FAM228B: variants seen among roughly 807,000 people sequenced by gnomAD.
The protein encoded by FAM228B is family with sequence similarity 228 member B, also known as protein FAM228B.
Under a neutral mutation model 42.6 loss-of-function variants are expected in FAM228B, and 38 were observed. The observed-to-expected ratio is 0.89, with a 90% CI of 0.69 to 1.17. FAM228B has a LOEUF of 1.17. FAM228B is among the 50% of genes most tolerant of loss of function. The pLI, the probability that FAM228B is intolerant of heterozygous loss-of-function variation, is 0.00. For synonymous variants in FAM228B, 109 were observed against 122.3 expected (o/e 0.89, Z 0.72); for missense variants, 344 against 367.3 (o/e 0.94, Z 0.52).
intron 3 of FAM228B, among the ~76,000 whole-genome samples, chr2:24,103,351 G>T (rs1391115672): frequency 6.6e-6 from 1 of 152,184 alleles, no homozygotes; most frequent in Non-Finnish European, 1.5e-5. Context: ...TGGGAAAAAG[G>T]AACCCCTTAA....
rs1479864922 is a variant in FAM228B at position 24,080,453 on chromosome 2, G to A, written c.-289-423G>A. Among the ~76,000 whole-genome samples, 3 of 152,166 alleles carry A rather than the reference G, an allele frequency of 2.0e-5. No individual in the cohort carries two copies. The highest frequency in any genetic ancestry group is 4.4e-5 in the Non-Finnish European group (3 of 68,034). ...GTGCACATCTACTTACTCATTTAGG[G>A]TGCTACCACCCAACCCTACCATGGC... On this transcript the variant is annotated intron_variant, in intron 1 of 10. Coordinates refer to the FAM228B transcript ENST00000613899. The surrounding 1 kb of genome is among the most constrained non-coding windows in gnomAD (Gnocchi z 4.7).
intron 3 of FAM228B, among the ~76,000 whole-genome samples, chr2:24,136,923 C>T (rs1666605096): frequency 6.6e-6 from 1 of 152,166 alleles, no homozygotes; most frequent in Admixed American, 6.5e-5. Flanking sequence ...AGTGACTCCT[C>T]ATTTCTCCCT....
At chr2:24,152,673 A>G (rs1396027321) in intron 7 of FAM228B, among the ~76,000 whole-genome samples, 1 of 152,220 alleles carries the variant, frequency 6.6e-6, no homozygotes, top group Non-Finnish European at 1.5e-5. Flanking sequence ...TGGGGGTGTC[A>G]TGATGCAAGC....
intron 3 of FAM228B, among the ~76,000 whole-genome samples, chr2:24,137,149 A>G (rs1666610581): frequency 6.6e-6 from 1 of 152,232 alleles, no homozygotes; most frequent in South Asian, 2.1e-4. Context: ...ACACATATAA[A>G]TAAATGTGGT....
chr2:24,099,175 A>T (rs1665559586), intron 3 of FAM228B, among the ~76,000 whole-genome samples: 1 of 152,190 alleles, frequency 6.6e-6, no homozygotes, highest in Admixed American at 6.5e-5. Flanking sequence ...AGCCAATATC[A>T]TACTGAATGG....
In FAM228B at chr2:24,084,188, C is replaced by T. The variant is rs111696183; in HGVS notation, c.-210+3233C>T. ...CCCCGGCGCGGCTGAGCCCTGGGTACCTGCATTAAGTCCGCCCGGTTCAGG... is the reference window on the plus strand; with the variant it reads ...CCCCGGCGCGGCTGAGCCCTGGGTATCTGCATTAAGTCCGCCCGGTTCAGG... On this transcript the variant is annotated intron_variant, in intron 2 of 10. Coordinates refer to the FAM228B transcript ENST00000613899. This position sits in a 1 kb window ranked among gnomAD's most constrained non-coding sequence, Gnocchi z 8.4. The T allele has an allele frequency of 6.2e-7, 1 of 1,610,966 alleles. No homozygotes were observed. Among genetic ancestry groups the T allele is most frequent in the Non-Finnish European group, 8.5e-7 (1 of 1,179,036 alleles).
Position 24,084,564 on chromosome 2 carries a change from C to G in FAM228B, c.-210+3609C>G, listed in dbSNP as rs1481243030. The G allele has an allele frequency of 4.2e-6, 2 of 474,296 alleles. No individual in the cohort carries two copies. Among genetic ancestry groups the G allele is most frequent in the Non-Finnish European group, 7.3e-6 (2 of 274,128 alleles). 29.4% of individuals were successfully genotyped at this position (474,296 alleles called of 1,614,324 possible). ...GGGAAGTCCTCGGCCGCCTCCAGAC[C>G]GATCCCACCCGGAACACAGATGGGA... On this transcript the variant is annotated intron_variant, in intron 2 of 10. Transcript: ENST00000613899. The surrounding 1 kb of genome is among the most constrained non-coding windows in gnomAD (Gnocchi z 8.4).
chr2:24,079,216 A>G, intron 1 of FAM228B: 1 of 533,008 alleles, frequency 1.9e-6, no homozygotes, highest in Non-Finnish European at 3.4e-6. Context: ...GAATGTTCAG[A>G]TAACCTGTGA....
upstream of FAM228B, chr2:24,119,772 G>T: frequency 1.1e-6 from 1 of 879,188 alleles, no homozygotes; most frequent in East Asian, 2.5e-5. Context: ...ACCATTTCCT[G>T]ATTTCCATAT....
intron 5 of FAM228B, among the ~76,000 whole-genome samples, chr2:24,144,197 T>A (rs772969099): frequency 6.6e-6 from 1 of 152,178 alleles, no homozygotes; most frequent in Non-Finnish European, 1.5e-5. Flanking sequence ...ATCCCACCAC[T>A]TTAGAGGCTG....
intron 5 of FAM228B, among the ~76,000 whole-genome samples, chr2:24,143,037 T>C (rs1264035886): frequency 6.6e-6 from 1 of 152,216 alleles, no homozygotes; most frequent in African/African-American, 2.4e-5. Context: ...TTCATAGATA[T>C]GGTTTCAGAT....
chr2:24,112,807 C>T (rs1665819505), intron 3 of FAM228B, among the ~76,000 whole-genome samples: 2 of 152,174 alleles, frequency 1.3e-5, no homozygotes. Context: ...TCATTGATCA[C>T]TGTCTCCCAC....
chr2:24,155,532 T>TATATATATATATATATATATATATA (rs1491091074), intron 7 of FAM228B, among the ~76,000 whole-genome samples: 1 of 11,552 alleles, frequency 8.7e-5, no homozygotes, highest in Non-Finnish European at 1.8e-4. Context: ...TATATATATA[T>TATATATATATATATATATATATATA]TTTTTTTTTT....
intron 3 of FAM228B, among the ~76,000 whole-genome samples, chr2:24,101,608 A>T (rs1558370830): frequency 6.6e-6 from 1 of 152,180 alleles, no homozygotes. Context: ...ATATATGTGG[A>T]TGAATATTAC....
upstream of FAM228B, among the ~76,000 whole-genome samples, chr2:24,119,265 G>T (rs1038312571): frequency 2.6e-5 from 4 of 152,022 alleles, no homozygotes; most frequent in African/African-American, 4.8e-5. Flanking sequence ...GGTCCTAAGA[G>T]AAATTAAGGG....
At chr2:24,139,781 C>G (rs1434450264) in intron 5 of FAM228B, among the ~76,000 whole-genome samples, 1 of 152,078 alleles carries the variant, frequency 6.6e-6, no homozygotes, top group Non-Finnish European at 1.5e-5. Flanking sequence ...AACCAAAATT[C>G]TATTACCCAG....
At chr2:24,112,849 C>G (rs1665820160) in intron 3 of FAM228B, among the ~76,000 whole-genome samples, 1 of 152,154 alleles carries the variant, frequency 6.6e-6, no homozygotes, top group Non-Finnish European at 1.5e-5. Context: ...GAACCTCTCA[C>G]CATTCTTTCC....
At chr2:24,098,039 T>C (rs1449701346) in intron 3 of FAM228B, among the ~76,000 whole-genome samples, 1 of 152,122 alleles carries the variant, frequency 6.6e-6, no homozygotes, top group African/African-American at 2.4e-5. Context: ...GACTACTGGA[T>C]ACATAACGAA....
intron 7 of FAM228B, among the ~76,000 whole-genome samples, chr2:24,151,639 G>A (rs1397846030): frequency 7.2e-6 from 1 of 139,670 alleles, no homozygotes; most frequent in Non-Finnish European, 1.5e-5. Context: ...TAGCTCATTA[G>A]CTATCATTAA....
Sources: gnomAD v4.1 joint callset for allele counts (sites outside exome capture counted in the v4.1 genomes callset) on GRCh38, gnomAD v4.1.1 for gene constraint, Gnocchi (gnomAD v3.1) non-coding constraint, MANE v1.5 for transcripts, NCBI Gene and HGNC (gene_info 2026-07-23, HGNC 2026-07-21) for gene names.